RELN: variants seen among roughly 807,000 people sequenced by gnomAD.
The protein encoded by RELN is reelin.
Under a neutral mutation model 427.6 loss-of-function variants are expected in RELN, and 108 were observed. That is an observed-to-expected ratio of 0.25 (90% CI 0.22 to 0.30). RELN has a LOEUF of 0.30. Ranked by LOEUF, RELN falls within the 10% of genes least tolerant of loss-of-function variation. The pLI is 1.00. For missense variants in RELN, 3,715 were observed against 4,302.8 expected (o/e 0.86, Z 3.82); for synonymous variants, 1,524 against 1,513.4 (o/e 1.01, Z -0.16).
At chr7:103,480,402 ATGAAT>A (rs1395573990) in intron 63 of RELN, among the ~76,000 whole-genome samples, 5 of 152,310 alleles carry the variant, frequency 3.3e-5, no homozygotes, top group African/African-American at 1.2e-4. Context: ...CATCAAATGA[ATGAAT>A]TGAAGTAATT....
At chr7:103,614,558 G>A (rs1832037396) in intron 20 of RELN, among the ~76,000 whole-genome samples, 1 of 152,002 alleles carries the variant, frequency 6.6e-6, no homozygotes, top group Non-Finnish European at 1.5e-5. Context: ...ATTAGATAAA[G>A]ACCTCTCTGC....
In RELN at chr7:103,935,729, T is replaced by G. The variant is rs1031825541; in HGVS notation, c.227-18544A>C. ...TTCAACCTGCCTAAACCTGAATACA[T>G]AATTATGTAACATACTTATTGAGTA... is the stretch of plus-strand genomic sequence containing the variant. On this transcript the variant is annotated intron_variant, in intron 1 of 64. Transcript: ENST00000428762. Among the ~76,000 whole-genome samples the G allele has an allele frequency of 3.3e-5, 5 of 152,190 alleles. No homozygotes were observed. The East Asian group carries it at 9.6e-4, about 29-fold the overall frequency.
chr7:103,747,642 C>CTTT (rs541976561), intron 6 of RELN, among the ~76,000 whole-genome samples: 9 of 123,858 alleles, frequency 7.3e-5, no homozygotes, highest in African/African-American at 2.7e-4. Context: ...CCTACTCTCA[C>CTTT]TTTTTTTTTT....
chr7:103,901,747 T>C (rs753438045), intron 2 of RELN, among the ~76,000 whole-genome samples: 2 of 151,990 alleles, frequency 1.3e-5, no homozygotes, highest in Non-Finnish European at 2.9e-5. Flanking sequence ...TGAGAGGTGG[T>C]AGAATTTGGG....
At chr7:103,518,706 T>C (rs1829632851) in intron 49 of RELN, among the ~76,000 whole-genome samples, 1 of 151,900 alleles carries the variant, frequency 6.6e-6, no homozygotes, top group Non-Finnish European at 1.5e-5. Context: ...CCTTTCTCTC[T>C]CTCTCATTCT....
intron 28 of RELN, among the ~76,000 whole-genome samples, chr7:103,581,210 G>A (rs1043586044): frequency 1.3e-5 from 2 of 152,116 alleles, no homozygotes; most frequent in Non-Finnish European, 2.9e-5. Context: ...CCTGGACATC[G>A]TTCTCAGAGG....
At chr7:103,535,647 TC>T (rs2117118869) in intron 45 of RELN, among the ~76,000 whole-genome samples, 163 bp from the exon 46 acceptor site, 1 of 152,322 alleles carries the variant, frequency 6.6e-6, no homozygotes, top group South Asian at 2.1e-4. Context: ...GTTTAATTTT[TC>T]TCTCTGTATA....
intron 6 of RELN, among the ~76,000 whole-genome samples, chr7:103,745,676 A>G (rs1475061199): frequency 6.6e-6 from 1 of 150,594 alleles, no homozygotes; most frequent in Admixed American, 6.6e-5. Flanking sequence ...ATTGCTTCAA[A>G]GAGAATAAAA....
intron 20 of RELN, among the ~76,000 whole-genome samples, chr7:103,625,504 G>A (rs535287344): frequency 7.6e-4 from 116 of 152,258 alleles, no homozygotes; most frequent in African/African-American, 2.6e-3. Flanking sequence ...TCATTATGTG[G>A]ACCTTATATA....
chr7:103,929,913 A>C lies in RELN; in HGVS notation c.227-12728T>G, dbSNP rs187337370. 2.1e-4 allele frequency among the ~76,000 whole-genome samples: 32 copies of C among 152,346 alleles called. No homozygotes were observed. The East Asian group carries it at 6.0e-3, about 28-fold the overall frequency. ...CTGCAAATGACTGTCAAAGTGCCAC[A>C]AGTGTTGATTTTGAGGTCACAAATA... is the stretch of plus-strand genomic sequence containing the variant. On this transcript the variant is annotated intron_variant, in intron 1 of 64. Transcript: ENST00000428762.
chr7:103,510,666 T>G (rs1383486376), intron 51 of RELN, among the ~76,000 whole-genome samples, 185 bp downstream of exon 51: 2 of 152,178 alleles, frequency 1.3e-5, no homozygotes, highest in Non-Finnish European at 2.9e-5. Context: ...CTTGAAATAG[T>G]TCAGAAATAA....
intron 2 of RELN, among the ~76,000 whole-genome samples, chr7:103,886,034 C>G (rs1184868187): frequency 1.3e-5 from 2 of 152,024 alleles, no homozygotes; most frequent in African/African-American, 4.8e-5. Context: ...GTAAATAGAT[C>G]TTAAAAACAA....
At chr7:103,511,500 TATC>T (rs1489513607) in intron 50 of RELN, among the ~76,000 whole-genome samples, 1 of 152,182 alleles carries the variant, frequency 6.6e-6, no homozygotes, top group African/African-American at 2.4e-5. Flanking sequence ...CTGAAAGTAT[TATC>T]TGGGTAACTA....
At chr7:103,950,818 T>C (rs142513622) in intron 1 of RELN, among the ~76,000 whole-genome samples, 229 of 152,364 alleles carry the variant, frequency 1.5e-3, no homozygotes, top group African/African-American at 5.0e-3. Flanking sequence ...TTGTTAAAGA[T>C]ACTACTGAAA....
intron 2 of RELN, among the ~76,000 whole-genome samples, chr7:103,834,136 C>T (rs1320283514): frequency 1.3e-5 from 2 of 152,192 alleles, no homozygotes; most frequent in South Asian, 2.1e-4. Flanking sequence ...GAAAACTCCC[C>T]AGTCCTATTT....
chr7:103,686,941 C>A (rs1219135420), intron 10 of RELN, among the ~76,000 whole-genome samples: 2 of 152,102 alleles, frequency 1.3e-5, no homozygotes, highest in African/African-American at 4.8e-5. Flanking sequence ...GCTATAAATA[C>A]AGTCCAGGTG....
rs78682586 is a variant in RELN at position 103,502,625 on chromosome 7, CTCTG to C, written c.8489+387_8489+390del. ...ATGATGAGTTAGGATTTGCTCCTGG[CTCTG>C]TCTATCATGGATTGATAAGGCAATA... On this transcript the variant is annotated intron_variant, in intron 52 of 64. Transcript: ENST00000428762. Among the ~76,000 whole-genome samples the C allele has an allele frequency of 6.6e-4, 101 of 152,274 alleles. 1 individual carries two copies. The East Asian group carries it at 0.016, about 24-fold the overall frequency.
chr7:103,720,378 T>C (rs1313558044), intron 8 of RELN, among the ~76,000 whole-genome samples: 1 of 152,106 alleles, frequency 6.6e-6, no homozygotes, highest in Non-Finnish European at 1.5e-5. Context: ...ACACAATAAT[T>C]TCTCCAATTG....
intron 48 of RELN, among the ~76,000 whole-genome samples, chr7:103,521,509 T>C (rs1829708762): frequency 6.6e-6 from 1 of 152,236 alleles, no homozygotes; most frequent in Admixed American, 6.5e-5. Context: ...TTCATTGTTC[T>C]TAATAAATTC....
Sources: gnomAD v4.1 joint callset for allele counts (sites outside exome capture counted in the v4.1 genomes callset) on GRCh38, gnomAD v4.1.1 for gene constraint, MANE v1.5 for transcripts, NCBI Gene and HGNC (gene_info 2026-07-23, HGNC 2026-07-21) for gene names.